The following SORL1 variants were observed in gnomAD, a reference collection of about 807,000 sequenced individuals.
SORL1 encodes sortilin related receptor 1, also known as sortilin-related receptor.
A neutral mutation model predicts 273.7 loss-of-function variants in SORL1; 127 were observed. The ratio of observed to expected loss-of-function variants is 0.46; its 90% CI spans 0.40 to 0.54. The LOEUF (loss-of-function observed/expected upper bound fraction) is 0.54. Ranked by LOEUF, SORL1 falls within the 20% of genes least tolerant of loss-of-function variation. The pLI, the probability that SORL1 is intolerant of heterozygous loss-of-function variation, is 0.00. For missense variants in SORL1, 2,494 were observed against 2,846.1 expected (o/e 0.88, Z 2.81); for synonymous variants, 1,031 against 1,067.4 (o/e 0.97, Z 0.66).
At chr11:121,533,501 A>T (rs542421609) in intron 12 of SORL1, among the ~76,000 whole-genome samples, 1 of 152,270 alleles carries the variant, frequency 6.6e-6, no homozygotes, top group East Asian at 1.9e-4. Flanking sequence ...TCCTCTGATT[A>T]CCTTTGGCTC....
At chr11:121,542,189 C>A (rs911025049) in intron 12 of SORL1, among the ~76,000 whole-genome samples, 1 of 152,154 alleles carries the variant, frequency 6.6e-6, no homozygotes, top group African/African-American at 2.4e-5. Context: ...GGGCATTTTC[C>A]TATATAATCA....
chr11:121,462,346 G>A (rs1481489309), intron 1 of SORL1, among the ~76,000 whole-genome samples: 1 of 152,006 alleles, frequency 6.6e-6, no homozygotes, highest in Non-Finnish European at 1.5e-5. Context: ...CTTAGGTCTG[G>A]GTCCATGTTC....
chr11:121,569,480 C>T (rs527943380), intron 22 of SORL1, among the ~76,000 whole-genome samples: 7 of 152,158 alleles, frequency 4.6e-5, no homozygotes, highest in Admixed American at 1.3e-4. Flanking sequence ...AAAGAGAATG[C>T]GTCCCTGAGG....
At chr11:121,607,155 T>G (rs937640205) in intron 36 of SORL1, 31 bp from the exon 37 acceptor site, 37 of 1,393,182 alleles carry the variant, frequency 2.7e-5, no homozygotes, top group Non-Finnish European at 3.7e-5. Context: ...TTTGGTTCCC[T>G]TTACTCACAT....
chr11:121,553,191 G>C (rs1035248020), intron 16 of SORL1, among the ~76,000 whole-genome samples: 1 of 152,180 alleles, frequency 6.6e-6, no homozygotes, highest in African/African-American at 2.4e-5. Context: ...CCTTGGGTGA[G>C]TTACTTAACC....
At chr11:121,622,379 A>T in intron 45 of SORL1, 111 bp downstream of exon 45, 1 of 622,678 alleles carries the variant, frequency 1.6e-6, no homozygotes, top group East Asian at 2.7e-5. Flanking sequence ...AAAAGAAAGA[A>T]AAAGAATAGG....
chr11:121,530,973 T>G (rs11218321), intron 11 of SORL1, among the ~76,000 whole-genome samples: 1,719 of 152,360 alleles, frequency 0.011, 28 homozygotes, highest in African/African-American at 0.039. Context: ...GACATTATAT[T>G]TTTCTGTTAT....
intron 28 of SORL1, among the ~76,000 whole-genome samples, chr11:121,588,746 A>G (rs1192091615): frequency 6.6e-6 from 1 of 152,218 alleles, no homozygotes; most frequent in Admixed American, 6.5e-5. Context: ...CCTGGAAGCT[A>G]GCAGTCCAAG....
At chr11:121,613,331 A>C (rs760548898) in intron 40 of SORL1, among the ~76,000 whole-genome samples, 3 of 152,210 alleles carry the variant, frequency 2.0e-5, no homozygotes, top group Non-Finnish European at 2.9e-5. Context: ...ACCAGCAGCA[A>C]GTCTCAGCTA....
At chr11:121,454,767 G>A (rs1366529155) in intron 1 of SORL1, among the ~76,000 whole-genome samples, 1 of 152,216 alleles carries the variant, frequency 6.6e-6, no homozygotes, top group African/African-American at 2.4e-5. Flanking sequence ...CCTTCAGAAT[G>A]CAAGCACAGG....
chr11:121,562,094 C>T (rs972498499), intron 21 of SORL1, among the ~76,000 whole-genome samples: 6 of 152,078 alleles, frequency 3.9e-5, no homozygotes, highest in South Asian at 4.1e-4. Context: ...TACAGATCCA[C>T]GGTGTGTGTT....
chr11:121,594,590 T>C (rs1863266537), intron 31 of SORL1, among the ~76,000 whole-genome samples: 1 of 152,312 alleles, frequency 6.6e-6, no homozygotes, highest in South Asian at 2.1e-4. Flanking sequence ...TCTTTTTTTC[T>C]TGGATAAATA....
intron 5 of SORL1, 79 bp downstream of exon 5, chr11:121,490,189 G>T: frequency 1.1e-6 from 1 of 935,956 alleles, no homozygotes. Flanking sequence ...TGGACAAACT[G>T]CCCTCCCCTG....
chr11:121,526,184 A>C lies in SORL1; in HGVS notation c.1596+3195A>C, dbSNP rs569722234. 3.1e-4 allele frequency among the ~76,000 whole-genome samples: 47 copies of C among 152,196 alleles called. 1 individual carries two copies. The South Asian group carries it at 9.4e-3, about 30-fold the overall frequency. The stretch of plus-strand genomic sequence containing the variant: ...TTTTTTCCATATGGAGATCTAATTG[A>C]TTTAGCACCATTTATTGAAAACCCT... On this transcript the variant is annotated intron_variant, in intron 11 of 47. Coordinates refer to ENST00000260197, the MANE Select transcript of SORL1 (RefSeq NM_003105.6).
chr11:121,577,058 T>C, intron 24 of SORL1: 1 of 1,173,124 alleles, frequency 8.5e-7, no homozygotes, highest in Non-Finnish European at 1.2e-6. Context: ...TCTAAGGGTC[T>C]GAGGGTCTCA....
chr11:121,598,292 A>G (rs571918871), intron 32 of SORL1, among the ~76,000 whole-genome samples: 3 of 152,162 alleles, frequency 2.0e-5, no homozygotes, highest in African/African-American at 7.2e-5. Flanking sequence ...ACCTCTTTGT[A>G]TATTGGAGGT....
At chr11:121,537,846 GGA>G (rs1242729155) in intron 12 of SORL1, among the ~76,000 whole-genome samples, 2 of 152,200 alleles carry the variant, frequency 1.3e-5, no homozygotes, top group Non-Finnish European at 2.9e-5. Flanking sequence ...TCTGCTCCCT[GGA>G]GATGCACAGT....
Position 121,625,346 on chromosome 11 carries a change from A to G in SORL1, c.6364+69A>G. On this transcript the variant is annotated intron_variant, in intron 46 of 47. Transcript: ENST00000260197. ...AATAGCAAGAATGTCATATGGTTTC[A>G]TGACCATGTGTCTTTCTAAAACACA... The G allele has an allele frequency of 6.4e-6, 8 of 1,255,254 alleles. No homozygotes were observed. The South Asian group carries it at 9.6e-5, about 15-fold the overall frequency. The allele number at this position is 1,255,254 out of a possible 1,614,324, so 77.8% of individuals were successfully genotyped here. A position where few individuals can be genotyped will look rare whatever the true frequency, so the allele number is the denominator to read the frequency against.
chr11:121,597,492 C>T lies in SORL1; in HGVS notation c.4519+1720C>T, dbSNP rs576510335. 2.0e-5 allele frequency among the ~76,000 whole-genome samples: 3 copies of T among 149,716 alleles called. No homozygotes were observed. In the South Asian group the frequency reaches 6.3e-4, roughly 32 times the overall value. On this transcript the variant is annotated intron_variant, in intron 32 of 47. Coordinates refer to ENST00000260197, the MANE Select transcript of SORL1 (RefSeq NM_003105.6). The stretch of plus-strand genomic sequence containing the variant: ...TTTTCTTTTGAGATGTCATCTCGCT[C>T]TGTTGCCCAGGCTGGAGTGCAGGGG...
Sources: gnomAD v4.1 joint callset for allele counts (sites outside exome capture counted in the v4.1 genomes callset) on GRCh38, gnomAD v4.1.1 for gene constraint, MANE v1.5 for transcripts, NCBI Gene and HGNC (gene_info 2026-07-23, HGNC 2026-07-21) for gene names.